UNC13A: variants seen among roughly 807,000 people sequenced by gnomAD.
The protein encoded by UNC13A is unc-13 homolog A.
In UNC13A, 61 loss-of-function variants were observed where a neutral mutation model predicts 219.7. That is an observed-to-expected ratio of 0.28 (90% CI 0.23 to 0.34). UNC13A has a LOEUF of 0.34. UNC13A is among the 10% of genes least tolerant of loss of function. UNC13A has a pLI of 1.00. For missense variants in UNC13A, 1,476 were observed against 2,270.3 expected (o/e 0.65, Z 7.11); for synonymous variants, 920 against 884.6 (o/e 1.04, Z -0.71).
chr19:17,685,486 A>T (rs1173669199), intron 1 of UNC13A, among the ~76,000 whole-genome samples: 2 of 152,144 alleles, frequency 1.3e-5, no homozygotes, highest in African/African-American at 2.4e-5. Flanking sequence ...GGCCTGAGCC[A>T]CCGCGCTCGG....
At chr19:17,652,524 C>A in intron 12 of UNC13A, 107 bp downstream of exon 12, 1 of 1,436,130 alleles carries the variant, frequency 7.0e-7, no homozygotes, top group Admixed American at 1.7e-5. Context: ...TGTCCCCTGT[C>A]TAAATGGAAC....
chr19:17,682,414 CA>C (rs2080036078), intron 1 of UNC13A, among the ~76,000 whole-genome samples: 1 of 152,174 alleles, frequency 6.6e-6, no homozygotes, highest in African/African-American at 2.4e-5. Context: ...CCAAGGAATG[CA>C]GAGGATGTGA....
chr19:17,687,327 C>T (rs1207582653), intron 1 of UNC13A, among the ~76,000 whole-genome samples: 1 of 152,158 alleles, frequency 6.6e-6, no homozygotes, highest in East Asian at 1.9e-4. Context: ...GTCTCCCTCC[C>T]TCCCTCTCTC....
intron 19 of UNC13A, among the ~76,000 whole-genome samples, chr19:17,643,296 G>T (rs1182573448): frequency 6.6e-6 from 1 of 151,018 alleles, no homozygotes; most frequent in African/African-American, 2.4e-5. Context: ...ACAGGCGTGA[G>T]TCACCGCGCC....
chr19:17,629,165 C>G lies in UNC13A; in HGVS notation c.3753+75G>C. ...CATACATAGCCCCAGGTGTCAGGGC[C>G]CTGGGGAGAAGGGAGTCCTGGGGAT... On this transcript the variant is annotated intron_variant, in intron 31 of 43. Coordinates refer to ENST00000519716, the MANE Select transcript of UNC13A (RefSeq NM_001080421.3). 11 of 1,335,500 alleles carry G rather than the reference C, an allele frequency of 8.2e-6. No homozygotes were observed. The South Asian group carries it at 1.1e-4, about 14-fold the overall frequency. 82.7% of individuals were successfully genotyped at this position (1,335,500 alleles called of 1,614,324 possible). A position where few individuals can be genotyped will look rare whatever the true frequency, so the allele number is the denominator to read the frequency against.
At chr19:17,680,897 T>C (rs1490781758) in intron 1 of UNC13A, among the ~76,000 whole-genome samples, 4 of 102,736 alleles carry the variant, frequency 3.9e-5, no homozygotes, top group East Asian at 2.3e-4. Flanking sequence ...TTCTTTTTTT[T>C]TTTTTTTTTT....
rs2079856208 is a variant in UNC13A, at chr19:17,674,410, T to A, written c.152+247A>T. Among the ~76,000 whole-genome samples, 1 of 151,754 alleles carries A rather than the reference T, an allele frequency of 6.6e-6. No individual in the cohort carries two copies. Among genetic ancestry groups the A allele is most frequent in the African/African-American group, 2.4e-5 (1 of 41,274 alleles). ...CTGGAGGAGAACAGATTGTAGGAGGTGGATGGCACAGGAGGCCAGGGCGGA... is the reference window on the plus strand; with the variant it reads ...CTGGAGGAGAACAGATTGTAGGAGGAGGATGGCACAGGAGGCCAGGGCGGA... On this transcript the variant is annotated intron_variant, in intron 3 of 43. Coordinates refer to ENST00000519716, the MANE Select transcript of UNC13A (RefSeq NM_001080421.3). The surrounding 1 kb of genome is among the most constrained non-coding windows in gnomAD (Gnocchi z 5.0).
At chr19:17,673,415 G>A (rs1410057636) in intron 3 of UNC13A, among the ~76,000 whole-genome samples, 1 of 146,646 alleles carries the variant, frequency 6.8e-6, no homozygotes, top group Non-Finnish European at 1.5e-5. Flanking sequence ...GCTGGGATTG[G>A]TGGCTCCTGG....
intron 22 of UNC13A, 73 bp downstream of exon 22, chr19:17,640,438 G>A (rs2076956276): frequency 1.1e-5 from 17 of 1,480,684 alleles, no homozygotes; most frequent in East Asian, 5.0e-5. Context: ...TGGGGACCCA[G>A]AAGTCACATC....
chr19:17,667,900 C>A (rs1000648810), intron 6 of UNC13A, among the ~76,000 whole-genome samples: 1 of 150,692 alleles, frequency 6.6e-6, no homozygotes, highest in Non-Finnish European at 1.5e-5. Flanking sequence ...GGATTACAGG[C>A]GTGAGCCACT....
At chr19:17,635,271 G>A (rs2076901890) in intron 26 of UNC13A, among the ~76,000 whole-genome samples, 1 of 152,136 alleles carries the variant, frequency 6.6e-6, no homozygotes, top group African/African-American at 2.4e-5. Flanking sequence ...AAAGTGCTGG[G>A]ATTACAGGCG....
chr19:17,686,880 C>A (rs2080123528), intron 1 of UNC13A, among the ~76,000 whole-genome samples: 1 of 151,982 alleles, frequency 6.6e-6, no homozygotes, highest in African/African-American at 2.4e-5. Context: ...GCCTGCCCAC[C>A]CTGTGTCCAG....
intron 1 of UNC13A, among the ~76,000 whole-genome samples, chr19:17,686,237 C>A (rs568297276): frequency 2.0e-5 from 3 of 150,520 alleles, no homozygotes; most frequent in South Asian, 4.2e-4. Context: ...TGCTGCCCCC[C>A]CTTAATGCCA....
At chr19:17,623,013 G>C (rs1448573592) in intron 36 of UNC13A, 2 of 153,274 alleles carry the variant, frequency 1.3e-5, no homozygotes, top group Non-Finnish European at 2.9e-5. Context: ...GTGTGTGTCG[G>C]TGTGGATGGC....
At chr19:17,647,539 T>C (rs766239703) in intron 16 of UNC13A, 47 bp from the exon 17 acceptor site, 3 of 1,574,554 alleles carry the variant, frequency 1.9e-6, no homozygotes, top group African/African-American at 1.3e-5. Flanking sequence ...CCCTGCATAG[T>C]GGCCCCTCAC....
rs2076521252 is a variant in UNC13A, at chr19:17,606,005, G to A, written c.*49C>T. 7 of 1,385,566 alleles carry A rather than the reference G, an allele frequency of 5.1e-6. No individual in the cohort carries two copies. The highest frequency in any genetic ancestry group is 3.9e-5 in the Admixed American group (1 of 25,520). The allele number at this position is 1,385,566 out of a possible 1,614,324, so 85.8% of individuals were successfully genotyped here. On this transcript the variant is annotated 3_prime_UTR_variant, in exon 44 of 44. Coordinates refer to ENST00000519716, the MANE Select transcript of UNC13A (RefSeq NM_001080421.3). ...CAAGGCGCAAGCCCCGTCCCTCCCC[G>A]CCCAGCGCCCTCCGCGCAGGCGCAG...
At chr19:17,608,354 A>AT (rs2076558677) in intron 43 of UNC13A, among the ~76,000 whole-genome samples, 1 of 115,342 alleles carries the variant, frequency 8.7e-6, no homozygotes, top group Admixed American at 1.1e-4. Context: ...TTTTATATAT[A>AT]ATATAAATAT....
intron 41 of UNC13A, chr19:17,616,594 C>A: frequency 2.0e-6 from 1 of 492,498 alleles, no homozygotes; most frequent in Non-Finnish European, 3.6e-6. Context: ...GAGGGGACGG[C>A]GAGTGAGAGG....
intron 28 of UNC13A, among the ~76,000 whole-genome samples, chr19:17,631,660 C>T (rs4239633): frequency 0.31 from 47,804 of 152,068 alleles, 7,987 homozygotes; most frequent in South Asian, 0.38. Flanking sequence ...ATCAGATGTC[C>T]CGAGTTCAAA....
Sources: gnomAD v4.1 joint callset for allele counts (sites outside exome capture counted in the v4.1 genomes callset) on GRCh38, gnomAD v4.1.1 for gene constraint, Gnocchi (gnomAD v3.1) non-coding constraint, MANE v1.5 for transcripts, NCBI Gene and HGNC (gene_info 2026-07-23, HGNC 2026-07-21) for gene names.